Variants in SPDYE14 observed in about 807,000 individuals in gnomAD.
SPDYE14 encodes the protein speedy protein E14.
chr7:75,276,754 C>A, the SPDYE14 span, among the ~76,000 whole-genome samples: 1 of 143,718 alleles, frequency 7.0e-6, no homozygotes, highest in African/African-American at 2.6e-5. Context: ...AGAAGCCAGG[C>A]GTGGTGGTAC....
chr7:75,237,641 C>CGAGCGGCG, the SPDYE14 span: 4 of 60,816 alleles, frequency 6.6e-5, no homozygotes, highest in African/African-American at 1.6e-4. Flanking sequence ...GCCGAGGGGC[C>CGAGCGGCG]GAGCGGCGGA....
the SPDYE14 span, among the ~76,000 whole-genome samples, chr7:75,249,885 GTC>G: frequency 1.6e-5 from 2 of 121,496 alleles, no homozygotes; most frequent in South Asian, 5.5e-4. Flanking sequence ...GGCTAGGCTG[GTC>G]TCGAACTCCT....
At chr7:75,274,920 A>G in the SPDYE14 span, among the ~76,000 whole-genome samples, 1 of 62,760 alleles carries the variant, frequency 1.6e-5, no homozygotes, top group South Asian at 5.0e-4. Flanking sequence ...ACTTTTTACA[A>G]CAAACATTTT....
chr7:75,264,983 T>C, the SPDYE14 span, among the ~76,000 whole-genome samples: 3 of 55,518 alleles, frequency 5.4e-5, no homozygotes, highest in Non-Finnish European at 1.2e-4. Context: ...GTCATTTGGG[T>C]TTTCCTTCTG....
the SPDYE14 span, among the ~76,000 whole-genome samples, chr7:75,247,523 A>T: frequency 8.6e-6 from 1 of 116,876 alleles, no homozygotes; most frequent in Non-Finnish European, 2.1e-5. Context: ...AAAGAAAGAA[A>T]GAAGAAAGAA....
the SPDYE14 span, among the ~76,000 whole-genome samples, chr7:75,271,117 G>A: frequency 1.2e-4 from 1 of 8,162 alleles, no homozygotes; most frequent in African/African-American, 2.1e-4. Flanking sequence ...AGTGGCTCAC[G>A]CCTGTAACCT....
chr7:75,256,728 T>C, the SPDYE14 span, among the ~76,000 whole-genome samples: 5 of 3,344 alleles, frequency 1.5e-3, 1 homozygote, highest in South Asian at 0.026. Flanking sequence ...GAGTCAGAAT[T>C]GCTTGAACCC....
chr7:75,274,979 C>T, the SPDYE14 span, among the ~76,000 whole-genome samples: 2 of 61,574 alleles, frequency 3.2e-5, no homozygotes, highest in East Asian at 2.0e-3. Flanking sequence ...AGGTGAGGGG[C>T]GCCTCTGCCC....
chr7:75,249,431 G>A, the SPDYE14 span, among the ~76,000 whole-genome samples: 1 of 86,620 alleles, frequency 1.2e-5, no homozygotes, highest in Non-Finnish European at 2.5e-5. Context: ...TGATGGAGGA[G>A]GACAAAGTTA....
At chr7:75,247,521 AAAG>A in the SPDYE14 span, among the ~76,000 whole-genome samples, 2 of 117,304 alleles carry the variant, frequency 1.7e-5, no homozygotes, top group South Asian at 5.2e-4. Context: ...AGAAAGAAAG[AAAG>A]AAGAAAGAAA....
the SPDYE14 span, among the ~76,000 whole-genome samples, chr7:75,268,845 CAGAGAGAGAGAGAG>C: frequency 0.019 from 178 of 9,602 alleles, 1 homozygote; most frequent in Non-Finnish European, 0.036. Context: ...GCACTCCAGC[CAGAGAGAGAGAGAG>C]AGAGAGAGAG....
At chr7:75,271,690 G>T in the SPDYE14 span, among the ~76,000 whole-genome samples, 4 of 55,218 alleles carry the variant, frequency 7.2e-5, 1 homozygote, top group African/African-American at 1.7e-4. Flanking sequence ...AATTAGCTGG[G>T]TGTGGTTGTG....
chr7:75,278,966 C>T, the SPDYE14 span, among the ~76,000 whole-genome samples: 132 of 102,764 alleles, frequency 1.3e-3, 1 homozygote, highest in African/African-American at 6.7e-3. Context: ...AAAAATAGGG[C>T]TTAAATCGGG....
the SPDYE14 span, among the ~76,000 whole-genome samples, chr7:75,243,319 AT>A: frequency 1.7e-5 from 1 of 57,954 alleles, no homozygotes; most frequent in Non-Finnish European, 3.8e-5. Context: ...CCCAAAAAAA[AT>A]AGCTGTTGTC....
chr7:75,266,149 CT>C, the SPDYE14 span, among the ~76,000 whole-genome samples: 5 of 10,146 alleles, frequency 4.9e-4, no homozygotes, highest in African/African-American at 1.0e-3. Context: ...CTTTCTTTTC[CT>C]TTTTTTTTTT....
At chr7:75,244,235 C>T in the SPDYE14 span, among the ~76,000 whole-genome samples, 1 of 25,246 alleles carries the variant, frequency 4.0e-5, no homozygotes, top group Non-Finnish European at 8.9e-5. Context: ...GTAGCTGGGA[C>T]TACAGGTGCC....
At chr7:75,247,591 T>C in the SPDYE14 span, among the ~76,000 whole-genome samples, 71 of 23,852 alleles carry the variant, frequency 3.0e-3, no homozygotes, top group African/African-American at 4.3e-3. Context: ...AATTCTTCTT[T>C]TTTTTTTTTT....
At chr7:75,240,608 A>C in the SPDYE14 span, among the ~76,000 whole-genome samples, 1 of 70,290 alleles carries the variant, frequency 1.4e-5, no homozygotes, top group Non-Finnish European at 3.1e-5. Context: ...AAAAAAAAAA[A>C]CACAAAAAAC....
At chr7:75,244,100 CT>C in the SPDYE14 span, among the ~76,000 whole-genome samples, 2 of 48,578 alleles carry the variant, frequency 4.1e-5, no homozygotes, top group South Asian at 6.8e-4. Context: ...AAACTGCATG[CT>C]TTTTTTTTGT....
Sources: allele counts gnomAD v4.1 joint callset (sites outside exome capture counted in the v4.1 genomes callset), GRCh38; gene constraint gnomAD v4.1.1; transcripts MANE v1.5; gene names NCBI Gene and HGNC (gene_info 2026-07-23, HGNC 2026-07-21).